Variants in MAGI3 observed in about 807,000 individuals in gnomAD.
The protein encoded by MAGI3 is membrane-associated guanylate kinase, WW and PDZ domain-containing protein 3.
Under a neutral mutation model 121.8 loss-of-function variants are expected in MAGI3, and 43 were observed. The ratio of observed to expected loss-of-function variants is 0.35; its 90% CI spans 0.28 to 0.46. MAGI3 has a LOEUF of 0.46. MAGI3 is among the 20% of genes least tolerant of loss of function. MAGI3 has a pLI of 1.00. For synonymous variants in MAGI3, 553 were observed against 639.3 expected (o/e 0.86, Z 2.04); for missense variants, 1,547 against 1,797.3 (o/e 0.86, Z 2.52).
chr1:113,576,475 C>T (rs1199051670), intron 2 of MAGI3, among the ~76,000 whole-genome samples: 1 of 152,146 alleles, frequency 6.6e-6, no homozygotes. Context: ...TGCTCACCCT[C>T]CGCGAGCTGC....
intron 2 of MAGI3, among the ~76,000 whole-genome samples, chr1:113,567,873 G>A (rs548036832): frequency 6.6e-6 from 1 of 152,062 alleles, no homozygotes; most frequent in South Asian, 2.1e-4. Context: ...TAATAAGACA[G>A]CAAAAAGAAA....
At chr1:113,678,758 A>C (rs1648030372) in intron 19 of MAGI3, among the ~76,000 whole-genome samples, 1 of 152,216 alleles carries the variant, frequency 6.6e-6, no homozygotes. Flanking sequence ...CAGATGAAAA[A>C]AATGAGACCA....
chr1:113,641,082 A>ATATATTATATAT (rs1652480710), intron 9 of MAGI3, among the ~76,000 whole-genome samples: 1 of 52,832 alleles, frequency 1.9e-5, no homozygotes, highest in Non-Finnish European at 3.9e-5. Context: ...AATATATATG[A>ATATATTATATAT]GATATATATT....
intron 1 of MAGI3, among the ~76,000 whole-genome samples, chr1:113,399,444 G>C (rs535801015): frequency 6.6e-6 from 1 of 152,208 alleles, no homozygotes; most frequent in African/African-American, 2.4e-5. Context: ...TACAGGAAAT[G>C]ATCTCTTTTA....
chr1:113,475,782 GA>G (rs1194027523), intron 1 of MAGI3, among the ~76,000 whole-genome samples: 1 of 152,158 alleles, frequency 6.6e-6, no homozygotes, highest in Non-Finnish European at 1.5e-5. Context: ...CTATTGATTG[GA>G]ATAGTTTCAG....
chr1:113,449,517 A>G (rs1373398444), intron 1 of MAGI3, among the ~76,000 whole-genome samples: 1 of 152,174 alleles, frequency 6.6e-6, no homozygotes, highest in Non-Finnish European at 1.5e-5. Flanking sequence ...AAATTTCCAG[A>G]CCGTTGGAGA....
chr1:113,613,215 T>C (rs1650268042), intron 6 of MAGI3, among the ~76,000 whole-genome samples: 1 of 152,190 alleles, frequency 6.6e-6, no homozygotes, highest in African/African-American at 2.4e-5. Context: ...TAATGTTTTG[T>C]TCTCTTCTCA....
chr1:113,619,674 T>C (rs1325632646), intron 7 of MAGI3, 62 bp from the exon 8 acceptor site: 5 of 1,097,624 alleles, frequency 4.6e-6, no homozygotes, highest in Non-Finnish European at 5.6e-6. Flanking sequence ...TATGATAGAC[T>C]ATTTAAGAAT....
At position 113,533,090 on chromosome 1, in the gene MAGI3, C is replaced by T. The variant is rs150129589; in HGVS notation, c.317-16425C>T. ...GTGACACCTGTTTATTTTTTCATCA[C>T]AGTAGCTAAATAACGTAGTATTAGT... On this transcript the variant is annotated intron_variant, in intron 1 of 20. Coordinates refer to ENST00000307546, the MANE Select transcript of MAGI3 (RefSeq NM_001142782.2). Among the ~76,000 whole-genome samples, 43 of 152,252 alleles carry T rather than the reference C, an allele frequency of 2.8e-4. No homozygotes were observed. The East Asian group carries it at 7.3e-3, about 26-fold the overall frequency.
At chr1:113,673,513 A>C (rs766282602) in intron 19 of MAGI3, 48 bp downstream of exon 19, 37 of 1,565,704 alleles carry the variant, frequency 2.4e-5, no homozygotes, top group Non-Finnish European at 2.9e-5. Context: ...CTAGACTAGA[A>C]ACTTCGAAAG....
At chr1:113,662,542 G>A (rs1653838390) in intron 16 of MAGI3, among the ~76,000 whole-genome samples, 1 of 152,172 alleles carries the variant, frequency 6.6e-6, no homozygotes, top group Admixed American at 6.5e-5. Context: ...AAGCACTCCT[G>A]TTGGAATTGA....
chr1:113,446,621 C>T (rs1408489707), intron 1 of MAGI3, among the ~76,000 whole-genome samples: 1 of 152,148 alleles, frequency 6.6e-6, no homozygotes, highest in Non-Finnish European at 1.5e-5. Flanking sequence ...TCACTTATAT[C>T]CTGTCTACAG....
intron 19 of MAGI3, among the ~76,000 whole-genome samples, chr1:113,676,906 G>T (rs903280288): frequency 4.6e-5 from 7 of 152,130 alleles, no homozygotes; most frequent in African/African-American, 1.7e-4. Context: ...AGAGTAAAAT[G>T]TATGGATAAT....
At chr1:113,680,253 A>G (rs910120657) in intron 19 of MAGI3, among the ~76,000 whole-genome samples, 1 of 152,224 alleles carries the variant, frequency 6.6e-6, no homozygotes, top group Non-Finnish European at 1.5e-5. Flanking sequence ...AGATATATTT[A>G]AAATTCAGCT....
Position 113,646,563 on chromosome 1 carries a change from G to A in MAGI3, c.2076G>A (p.Pro692=), listed in dbSNP as rs1021936540. The change falls in exon 12 of 21, where the codon CCG becomes CCA. Residue 692 remains proline (P), a synonymous_variant. Transcript: ENST00000307546. The part of the protein sequence containing the change: ...EPIPQPMPFP[P]SIIRSGSPKL... ...TTCCTCAGCCTATGCCTTTTCCACC[G>A]AGCATTATCAGGTCAGGATCCCCAA... The A allele has an allele frequency of 3.4e-5, 55 of 1,613,418 alleles. No individual in the cohort carries two copies. The highest frequency in any genetic ancestry group is 4.1e-5 in the Non-Finnish European group (48 of 1,179,694).
At position 113,557,260 on chromosome 1, in the gene MAGI3, T is replaced by A. The variant is rs540557670; in HGVS notation, c.433+7629T>A. On this transcript the variant is annotated intron_variant, in intron 2 of 20. Transcript: ENST00000307546. Reference sequence around the variant, plus strand: ...GACTCCCAGTTGGGCCCTTCAGCCATGCCCACTGGCACATACTATGGACAG... The same window carrying A: ...GACTCCCAGTTGGGCCCTTCAGCCAAGCCCACTGGCACATACTATGGACAG... 3.3e-5 allele frequency among the ~76,000 whole-genome samples: 5 copies of A among 152,306 alleles called. No individual in the cohort carries two copies. The South Asian group carries it at 1.0e-3, about 32-fold the overall frequency.
At position 113,486,407 on chromosome 1, in the gene MAGI3, C is replaced by T. The variant is rs534920718; in HGVS notation, c.317-63108C>T. 4.5e-4 allele frequency among the ~76,000 whole-genome samples: 69 copies of T among 152,048 alleles called. 3 individuals carry two copies. The South Asian group carries it at 0.014, about 30-fold the overall frequency. ...CCTTCAGCAGTGTTTTGTAGTTTTC[C>T]TTGTAGAGGTCTTTTACCTCCTTGG... On this transcript the variant is annotated intron_variant, in intron 1 of 20. Coordinates refer to ENST00000307546, the MANE Select transcript of MAGI3 (RefSeq NM_001142782.2).
intron 1 of MAGI3, chr1:113,450,061 G>A: frequency 6.5e-7 from 1 of 1,542,854 alleles, no homozygotes; most frequent in East Asian, 2.2e-5. Context: ...TATAATTTGA[G>A]AGACTTCTTT....
At chr1:113,465,006 C>G (rs921857976) in intron 1 of MAGI3, among the ~76,000 whole-genome samples, 1 of 152,122 alleles carries the variant, frequency 6.6e-6, no homozygotes, top group Non-Finnish European at 1.5e-5. Flanking sequence ...TTGATATAAT[C>G]CCATTTGTCT....
Sources: gnomAD v4.1 joint callset for allele counts (sites outside exome capture counted in the v4.1 genomes callset) on GRCh38, gnomAD v4.1.1 for gene constraint, MANE v1.5 for transcripts, NCBI Gene and HGNC (gene_info 2026-07-23, HGNC 2026-07-21) for gene names.